The following BICRAL variants were observed in gnomAD, a reference collection of about 807,000 sequenced individuals.
BICRAL encodes BRD4-interacting chromatin-remodeling complex-associated protein-like.
A neutral mutation model predicts 91.8 loss-of-function variants in BICRAL; 8 were observed. The ratio of observed to expected loss-of-function variants is 0.09; its 90% CI spans 0.05 to 0.16. BICRAL has a LOEUF of 0.16. Ranked by LOEUF, BICRAL falls within the 10% of genes least tolerant of loss-of-function variation. The pLI, the probability that BICRAL is intolerant of heterozygous loss-of-function variation, is 1.00. For synonymous variants in BICRAL, 445 were observed against 491.1 expected, an observed-to-expected ratio of 0.91 and a Z score of 1.24; for missense variants, 1,038 against 1,310.9, an observed-to-expected ratio of 0.79 and a Z score of 3.21.
At chr6:42,764,673 T>G (rs1158325621) in intron 1 of BICRAL, among the ~76,000 whole-genome samples, 3 of 152,252 alleles carry the variant, frequency 2.0e-5, no homozygotes, top group Non-Finnish European at 4.4e-5. Context: ...TTGTTTGTTT[T>G]TTTGAGACGG....
chr6:42,799,362 G>A (rs749572329), intron 1 of BICRAL, among the ~76,000 whole-genome samples: 6 of 148,964 alleles, frequency 4.0e-5, no homozygotes, highest in Non-Finnish European at 7.4e-5. Flanking sequence ...GCAGTGGCGC[G>A]ATCTCAGCTC....
intron 6 of BICRAL, among the ~76,000 whole-genome samples, chr6:42,840,407 A>C (rs1482033794): frequency 6.7e-6 from 1 of 150,160 alleles, no homozygotes; most frequent in Non-Finnish European, 1.5e-5. Flanking sequence ...CACACCCGCT[A>C]ATTTTTTGTA....
chr6:42,751,500 T>C (rs1762380302), intron 1 of BICRAL, among the ~76,000 whole-genome samples: 2 of 152,092 alleles, frequency 1.3e-5, no homozygotes, highest in African/African-American at 4.8e-5. Context: ...AAGTAAGTAG[T>C]GAAAGCATTT....
chr6:42,746,718 C>G (rs1762280942), upstream of BICRAL, among the ~76,000 whole-genome samples: 1 of 152,094 alleles, frequency 6.6e-6, no homozygotes, highest in Non-Finnish European at 1.5e-5. Context: ...CTTACCGCCC[C>G]CCTCCCCCCT....
chr6:42,771,485 G>T (rs1187243740), intron 1 of BICRAL, among the ~76,000 whole-genome samples: 1 of 151,810 alleles, frequency 6.6e-6, no homozygotes, highest in African/African-American at 2.4e-5. Context: ...CACCCCTGTG[G>T]GGGTGGCGGG....
At chr6:42,755,814 C>T (rs551720168) in intron 1 of BICRAL, among the ~76,000 whole-genome samples, 8 of 152,168 alleles carry the variant, frequency 5.3e-5, no homozygotes, top group African/African-American at 1.2e-4. Flanking sequence ...GGATTACAGG[C>T]GCACGCCGCC....
upstream of BICRAL, among the ~76,000 whole-genome samples, chr6:42,778,857 G>A (rs1325748288): frequency 6.6e-6 from 1 of 151,958 alleles, no homozygotes; most frequent in East Asian, 1.9e-4. Context: ...TTGCTCTGTC[G>A]CCCAGGCTGG....
chr6:42,859,186 C>T (rs1174708405), intron 10 of BICRAL, among the ~76,000 whole-genome samples: 3 of 151,978 alleles, frequency 2.0e-5, no homozygotes, highest in Admixed American at 6.6e-5. Context: ...GTCAGGAGTT[C>T]GAGACCATCC....
chr6:42,832,392 T>C (rs1764511303), intron 6 of BICRAL, among the ~76,000 whole-genome samples: 1 of 147,112 alleles, frequency 6.8e-6, no homozygotes, highest in Admixed American at 6.9e-5. Flanking sequence ...TGTATGTATA[T>C]ATATATACAT....
At chr6:42,859,470 CA>C (rs1200116470) in intron 10 of BICRAL, among the ~76,000 whole-genome samples, 1 of 151,842 alleles carries the variant, frequency 6.6e-6, no homozygotes, top group Non-Finnish European at 1.5e-5. Context: ...TGGAGACCAA[CA>C]GACAGAGGAC....
chr6:42,759,716 G>C (rs908961682), intron 1 of BICRAL, among the ~76,000 whole-genome samples: 1 of 152,172 alleles, frequency 6.6e-6, no homozygotes, highest in African/African-American at 2.4e-5. Flanking sequence ...TGCATAACAA[G>C]GCACTTGCCT....
intron 1 of BICRAL, among the ~76,000 whole-genome samples, chr6:42,747,258 C>T (rs1311449443): frequency 1.3e-5 from 2 of 152,200 alleles, no homozygotes; most frequent in African/African-American, 2.4e-5. Context: ...AGCCGCTGCC[C>T]GGGCGCGGCA....
intron 1 of BICRAL, among the ~76,000 whole-genome samples, chr6:42,785,418 G>A (rs975039910): frequency 6.6e-6 from 1 of 151,878 alleles, no homozygotes; most frequent in Non-Finnish European, 1.5e-5. Context: ...AAAGCTAGCC[G>A]AGTGTGGTGG....
At chr6:42,853,044 G>T (rs1195098461) in intron 7 of BICRAL, among the ~76,000 whole-genome samples, 1 of 137,106 alleles carries the variant, frequency 7.3e-6, no homozygotes, top group Non-Finnish European at 1.5e-5. Flanking sequence ...CAGCCTGGGC[G>T]ACAGAACAAG....
At chr6:42,797,523 G>A (rs988000639) in intron 1 of BICRAL, among the ~76,000 whole-genome samples, 2 of 152,142 alleles carry the variant, frequency 1.3e-5, no homozygotes, top group Non-Finnish European at 1.5e-5. Context: ...CCTTGAGTGA[G>A]TAACTTCCCT....
At chr6:42,855,638 G>A (rs1426927290) in intron 8 of BICRAL, among the ~76,000 whole-genome samples, 3 of 151,960 alleles carry the variant, frequency 2.0e-5, no homozygotes, top group Non-Finnish European at 2.9e-5. Context: ...CTCAGGAACC[G>A]ATTATACACC....
In BICRAL at chr6:42,867,405, C is replaced by T. The variant is rs1257757567; in HGVS notation, c.*1959C>T. 1.3e-5 allele frequency: 2 copies of T among 153,984 alleles called. No homozygotes were observed. The highest frequency in any genetic ancestry group is 1.3e-4 in the Admixed American group (2 of 15,528). The allele number at this position is 153,984 out of a possible 1,614,324, so 9.5% of individuals were successfully genotyped here. A position where few individuals can be genotyped will look rare whatever the true frequency, so the allele number is the denominator to read the frequency against. ...TCCAAGTTGCAGATTTCCCCTTTTT[C>T]CTGTATTGTAACATATTAGATAAGT... On this transcript the variant is annotated 3_prime_UTR_variant, in exon 13 of 13. Transcript: ENST00000314073.
At chr6:42,793,178 C>G (rs1763325183) in intron 1 of BICRAL, among the ~76,000 whole-genome samples, 2 of 102,934 alleles carry the variant, frequency 1.9e-5, no homozygotes, top group Admixed American at 1.4e-4. Context: ...GAGTCTCGCT[C>G]TGTTACCCAG....
At chr6:42,804,014 GTGTT>G (rs758257021) in intron 1 of BICRAL, among the ~76,000 whole-genome samples, 45 of 151,154 alleles carry the variant, frequency 3.0e-4, no homozygotes, top group South Asian at 8.3e-4. Context: ...TATTGTTGTT[GTGTT>G]TGTTTGTTTG....
Sources: allele counts gnomAD v4.1 joint callset (sites outside exome capture counted in the v4.1 genomes callset), GRCh38; gene constraint gnomAD v4.1.1; transcripts MANE v1.5; gene names NCBI Gene and HGNC (gene_info 2026-07-23, HGNC 2026-07-21).